Variants in BET1 observed in about 807,000 individuals in gnomAD.
The protein encoded by BET1 is BET1 homolog.
In BET1, 9 loss-of-function variants were observed where a neutral mutation model predicts 13.9. That is an observed-to-expected ratio of 0.65 (90% CI 0.39 to 1.13). The LOEUF (loss-of-function observed/expected upper bound fraction) is 1.13. BET1 is among the 50% of genes most tolerant of loss of function. BET1 has a pLI of 0.01. For synonymous variants in BET1, 39 were observed against 47.3 expected (o/e 0.82, Z 0.72); for missense variants, 127 against 133.6 (o/e 0.95, Z 0.24).
chr7:93,973,878 C>CA (rs1795297652), intron 5 of BET1, among the ~76,000 whole-genome samples: 1 of 152,080 alleles, frequency 6.6e-6, no homozygotes, highest in South Asian at 2.1e-4. Flanking sequence ...CAGAACACTA[C>CA]AGGAGGTGTA....
At chr7:93,962,980 T>C (rs1262447949) in exon 7 of BET1, 1 of 152,048 alleles carries the variant, frequency 6.6e-6, no homozygotes, top group Non-Finnish European at 1.5e-5. Context: ...TATGGGATGT[T>C]TGGAAAAAAT....
At chr7:93,977,224 G>C (rs1480344515) in intron 4 of BET1, among the ~76,000 whole-genome samples, 1 of 152,118 alleles carries the variant, frequency 6.6e-6, no homozygotes, top group Non-Finnish European at 1.5e-5. Context: ...ACTTTGGGAA[G>C]TCGAGGCAGG....
downstream of BET1, among the ~76,000 whole-genome samples, chr7:93,990,072 G>T (rs1355723577): frequency 6.6e-6 from 1 of 151,824 alleles, no homozygotes; most frequent in African/African-American, 2.4e-5. Context: ...GCCTTTTACA[G>T]ATTTTAAATA....
At chr7:93,970,377 AT>A (rs1309177901) in intron 6 of BET1, among the ~76,000 whole-genome samples, 1 of 151,740 alleles carries the variant, frequency 6.6e-6, no homozygotes, top group Admixed American at 6.6e-5. Context: ...GCAGGGCCAA[AT>A]TGCACCTCTT....
At chr7:93,963,106 G>A (rs1795118838) in exon 7 of BET1, 1 of 152,070 alleles carries the variant, frequency 6.6e-6, no homozygotes, top group Admixed American at 6.6e-5. Flanking sequence ...CCAGTCAAAA[G>A]GAGTAGTTGT....
chr7:93,996,469 A>G, intron 2 of BET1, 148 bp from the exon 3 acceptor site: 1 of 533,758 alleles, frequency 1.9e-6, no homozygotes. Flanking sequence ...TACTTTTTCT[A>G]CCAAGATCAA....
intron 2 of BET1, among the ~76,000 whole-genome samples, chr7:93,997,756 C>A (rs1237867135): frequency 6.6e-6 from 1 of 152,106 alleles, no homozygotes; most frequent in Non-Finnish European, 1.5e-5. Flanking sequence ...TCGTGTAATT[C>A]TTTGGTTCAA....
intron 1 of BET1, among the ~76,000 whole-genome samples, chr7:94,001,422 G>A (rs1482775470): frequency 6.6e-6 from 1 of 152,140 alleles, no homozygotes; most frequent in African/African-American, 2.4e-5. Flanking sequence ...TATCCTCCCT[G>A]TACCTAATGA....
chr7:93,999,408 T>A, intron 1 of BET1, 114 bp from the exon 2 acceptor site: 1 of 1,266,756 alleles, frequency 7.9e-7, no homozygotes, highest in Non-Finnish European at 1.1e-6. Context: ...CATATGTCTC[T>A]AATATTCATA....
chr7:93,995,907 T>A (rs1030316011), intron 3 of BET1: 1 of 331,724 alleles, frequency 3.0e-6, no homozygotes, highest in Non-Finnish European at 5.4e-6. Context: ...CGACATTTAG[T>A]TGGTTGGATA....
In BET1 at chr7:93,993,985, G is replaced by A. The variant is rs1175265077; in HGVS notation, c.*245C>T. 7 of 1,529,132 alleles carry A rather than the reference G, an allele frequency of 4.6e-6. No individual in the cohort carries two copies. The East Asian group carries it at 1.5e-4, about 32-fold the overall frequency. 94.7% of individuals were successfully genotyped at this position (1,529,132 alleles called of 1,614,324 possible). On this transcript the variant is annotated 3_prime_UTR_variant, in exon 4 of 4. Coordinates refer to ENST00000222547, the MANE Select transcript of BET1 (RefSeq NM_005868.6). Reference sequence around the variant, plus strand: ...TTGGCAAACAATAGAAAAACAAACTGGAAATTAGTGGAGCCACACCCTCTC... The same window carrying A: ...TTGGCAAACAATAGAAAAACAAACTAGAAATTAGTGGAGCCACACCCTCTC...
intron 3 of BET1, among the ~76,000 whole-genome samples, chr7:93,995,442 T>C (rs1222259881): frequency 2.0e-5 from 3 of 152,214 alleles, no homozygotes; most frequent in Non-Finnish European, 4.4e-5. Context: ...CTCATATACT[T>C]TAGATCTATG....
downstream of BET1, chr7:93,992,186 A>T: frequency 6.1e-6 from 6 of 985,368 alleles, no homozygotes; most frequent in Non-Finnish European, 7.2e-6. Flanking sequence ...TACTTTAAAT[A>T]GTACTTAGAA....
chr7:94,004,273 G>A lies in BET1; in HGVS notation c.-57C>T. 2 of 1,612,442 alleles carry A rather than the reference G, an allele frequency of 1.2e-6. No homozygotes were observed. The highest frequency in any genetic ancestry group is 1.7e-5 in the Admixed American group (1 of 60,004). ...CGGGGCTTTGGGTGAGTAGGAAACA[G>A]CTAGGGGCGACCCGGACCGCGTCTT... On this transcript the variant is annotated 5_prime_UTR_variant, in exon 1 of 4. Coordinates refer to ENST00000222547, the MANE Select transcript of BET1 (RefSeq NM_005868.6).
chr7:94,001,758 T>A (rs1382016485), intron 1 of BET1, among the ~76,000 whole-genome samples: 1 of 152,250 alleles, frequency 6.6e-6, no homozygotes, highest in Admixed American at 6.5e-5. Flanking sequence ...TTATTTTGTG[T>A]GGCTGAGGTT....
At chr7:93,990,342 T>C (rs1324934108), downstream of BET1, among the ~76,000 whole-genome samples, 1 of 152,050 alleles carries the variant, frequency 6.6e-6, no homozygotes, top group Non-Finnish European at 1.5e-5. Context: ...GGTCGAACTA[T>C]TTATTAATTA....
Position 93,999,295 on chromosome 7 carries a change from C to T in BET1, c.20-1G>A. On this transcript the variant is annotated splice_acceptor_variant, in intron 1 of 3. Coordinates refer to ENST00000222547, the MANE Select transcript of BET1 (RefSeq NM_005868.6). LOFTEE classifies it high-confidence loss of function. ...TAGTTGCCAGGAGGTACTCCTTCAC[C>T]TGCAAGGATCAGAGTCACAAAGGTG... The T allele has an allele frequency of 6.2e-7, 1 of 1,607,558 alleles. No homozygotes were observed. Among genetic ancestry groups the T allele is most frequent in the Non-Finnish European group, 8.5e-7 (1 of 1,177,258 alleles).
intron 4 of BET1, among the ~76,000 whole-genome samples, chr7:93,984,062 G>A (rs1412136577): frequency 3.3e-5 from 5 of 152,160 alleles, no homozygotes; most frequent in Non-Finnish European, 4.4e-5. Flanking sequence ...AAATCAAGAT[G>A]TTGGCAAGGC....
At chr7:93,989,405 TA>T (rs1353598935), downstream of BET1, among the ~76,000 whole-genome samples, 5 of 152,216 alleles carry the variant, frequency 3.3e-5, no homozygotes, top group East Asian at 9.6e-4. Context: ...TAAAAAAAAA[TA>T]AATTTAAGTT....
Sources: allele counts gnomAD v4.1 joint callset (sites outside exome capture counted in the v4.1 genomes callset), GRCh38; gene constraint gnomAD v4.1.1; transcripts MANE v1.5; gene names NCBI Gene and HGNC (gene_info 2026-07-23, HGNC 2026-07-21).